Variants in KATNBL1 observed in about 807,000 individuals in gnomAD.
The protein encoded by KATNBL1 is katanin regulatory subunit B1 like 1.
In KATNBL1, 28 loss-of-function variants were observed where a neutral mutation model predicts 44.7. The observed-to-expected ratio is 0.63, with a 90% confidence interval of 0.46 to 0.86. The LOEUF is 0.86. KATNBL1 is among the 40% of genes least tolerant of loss of function. The probability of loss-of-function intolerance (pLI) is 0.00; values close to 1 mark genes in which losing one functional copy is unlikely to be tolerated. For synonymous variants in KATNBL1, 78 were observed against 114.9 expected (o/e 0.68, Z 2.06); for missense variants, 272 against 350.7 (o/e 0.78, Z 1.79).
Position 34,179,621 on chromosome 15 carries a change from A to AGC in KATNBL1, c.-14-15932_-14-15931insGC, listed in dbSNP as rs562257263. Among the ~76,000 whole-genome samples the AGC allele has an allele frequency of 6.8e-4, 104 of 152,322 alleles. No homozygotes were observed. In the South Asian group the frequency reaches 0.022, roughly 32 times the overall value. On this transcript the variant is annotated intron_variant, in intron 1 of 9. Coordinates refer to ENST00000256544, the MANE Select transcript of KATNBL1 (RefSeq NM_024713.3). ...ATAGCCAAGACTATAGGCACACAAC[A>AGC]TCCCACCTGGCAAGCAACAGTATTT...
At chr15:34,162,714 A>G (rs1365765610) in intron 2 of KATNBL1, among the ~76,000 whole-genome samples, 1 of 152,076 alleles carries the variant, frequency 6.6e-6, no homozygotes, top group Non-Finnish European at 1.5e-5. Context: ...GGCTCAAGTG[A>G]TCCTCCTACC....
intron 1 of KATNBL1, among the ~76,000 whole-genome samples, chr15:34,189,173 C>A (rs544508223): frequency 5.3e-5 from 8 of 152,098 alleles, no homozygotes; most frequent in Non-Finnish European, 1.2e-4. Flanking sequence ...TACAGGCATG[C>A]GCCACCACGC....
chr15:34,181,488 A>G (rs1436987177), intron 1 of KATNBL1, among the ~76,000 whole-genome samples: 1 of 150,832 alleles, frequency 6.6e-6, no homozygotes, highest in Non-Finnish European at 1.5e-5. Flanking sequence ...CATTACTATT[A>G]AAAATTAATA....
At chr15:34,187,168 C>T (rs1028797362) in intron 1 of KATNBL1, among the ~76,000 whole-genome samples, 4 of 152,228 alleles carry the variant, frequency 2.6e-5, no homozygotes, top group Non-Finnish European at 2.9e-5. Flanking sequence ...CTGAATGCTG[C>T]AGACGACCAG....
intron 1 of KATNBL1, among the ~76,000 whole-genome samples, chr15:34,163,944 G>A (rs909811882): frequency 3.3e-5 from 5 of 151,352 alleles, no homozygotes; most frequent in African/African-American, 1.2e-4. Context: ...CCAGGCTGGA[G>A]TGCGATGGCA....
intron 1 of KATNBL1, among the ~76,000 whole-genome samples, chr15:34,200,881 A>C (rs544713784): frequency 6.6e-6 from 1 of 152,124 alleles, no homozygotes; most frequent in African/African-American, 2.4e-5. Context: ...CAGTGGCGCC[A>C]TCTCAGCTCA....
chr15:34,147,352 T>C (rs1409002669), intron 6 of KATNBL1, 28 bp downstream of exon 6: 1 of 1,603,422 alleles, frequency 6.2e-7, no homozygotes, highest in East Asian at 2.2e-5. Context: ...TTTAATCTTA[T>C]TTTTTTTCTG....
intron 3 of KATNBL1, 150 bp downstream of exon 3, chr15:34,154,492 ATG>A: frequency 1.5e-6 from 1 of 659,844 alleles, no homozygotes; most frequent in Non-Finnish European, 2.7e-6. Flanking sequence ...GACAATATTG[ATG>A]TGTTTATTAG....
chr15:34,193,779 G>C (rs944153103), intron 1 of KATNBL1, among the ~76,000 whole-genome samples: 2 of 144,646 alleles, frequency 1.4e-5, no homozygotes, highest in Admixed American at 1.4e-4. Flanking sequence ...TTGAGCCCAG[G>C]AGGTTGAGGC....
intron 2 of KATNBL1, among the ~76,000 whole-genome samples, chr15:34,159,073 C>T (rs1253821009): frequency 6.6e-6 from 1 of 152,202 alleles, no homozygotes; most frequent in Admixed American, 6.5e-5. Context: ...AATAAGCCAC[C>T]TTTCTGCCTT....
intron 1 of KATNBL1, among the ~76,000 whole-genome samples, chr15:34,189,962 T>C (rs887883165): frequency 4.4e-5 from 6 of 136,984 alleles, no homozygotes; most frequent in African/African-American, 1.5e-4. Flanking sequence ...TTTTTTTTTT[T>C]GAGACAGAAT....
chr15:34,191,896 G>A (rs1175049268), intron 1 of KATNBL1, among the ~76,000 whole-genome samples: 14 of 146,944 alleles, frequency 9.5e-5, no homozygotes, highest in African/African-American at 3.5e-4. Context: ...GCAGTGAGCC[G>A]AGATTGCACC....
In KATNBL1 at chr15:34,188,053, C is replaced by T. The variant is rs563347887; in HGVS notation, c.-15+21898G>A. Among the ~76,000 whole-genome samples, 10 of 135,950 alleles carry T rather than the reference C, an allele frequency of 7.4e-5. No individual in the cohort carries two copies. In the East Asian group the frequency reaches 9.8e-4, roughly 13 times the overall value. 89.2% of individuals were successfully genotyped at this position (135,950 alleles called of 152,430 possible). A position where few individuals can be genotyped will look rare whatever the true frequency, so the allele number is the denominator to read the frequency against. ...GCTCGGTAGGTTGGGGCAAGAGAATCGCTTGAACCTGGGAAGTGGAGGTTG... is the reference window on the plus strand; with the variant it reads ...GCTCGGTAGGTTGGGGCAAGAGAATTGCTTGAACCTGGGAAGTGGAGGTTG... On this transcript the variant is annotated intron_variant, in intron 1 of 9. Transcript: ENST00000256544.
chr15:34,193,223 A>AT (rs1355552683), intron 1 of KATNBL1, among the ~76,000 whole-genome samples: 1 of 135,744 alleles, frequency 7.4e-6, no homozygotes, highest in Non-Finnish European at 1.6e-5. Context: ...TCTCAAAAAA[A>AT]AAAAAAAAAA....
chr15:34,183,232 C>T (rs1196338623), intron 1 of KATNBL1, among the ~76,000 whole-genome samples: 1 of 152,202 alleles, frequency 6.6e-6, no homozygotes, highest in Non-Finnish European at 1.5e-5. Flanking sequence ...GGGTCTGACC[C>T]TGCAGACTGG....
chr15:34,162,974 G>A (rs1265587099), intron 2 of KATNBL1, among the ~76,000 whole-genome samples: 2 of 151,436 alleles, frequency 1.3e-5, no homozygotes, highest in Non-Finnish European at 2.9e-5. Flanking sequence ...TGAACACAAA[G>A]CACCTCTGGA....
At chr15:34,164,705 G>C (rs1374934013) in intron 1 of KATNBL1, among the ~76,000 whole-genome samples, 6 of 152,184 alleles carry the variant, frequency 3.9e-5, no homozygotes, top group Non-Finnish European at 5.9e-5. Context: ...AATGTAAGTT[G>C]CTCCCTTATT....
chr15:34,202,232 G>T (rs973084653), intron 1 of KATNBL1, among the ~76,000 whole-genome samples: 2 of 152,152 alleles, frequency 1.3e-5, no homozygotes, highest in African/African-American at 4.8e-5. Flanking sequence ...CAATAAAGTA[G>T]TATTCAACTC....
intron 4 of KATNBL1, among the ~76,000 whole-genome samples, chr15:34,152,304 G>A (rs997610811): frequency 6.6e-6 from 1 of 151,814 alleles, no homozygotes; most frequent in Non-Finnish European, 1.5e-5. Flanking sequence ...GGGTTCAAGC[G>A]ATTCTCCTGT....
Sources: allele counts gnomAD v4.1 joint callset (sites outside exome capture counted in the v4.1 genomes callset), GRCh38; gene constraint gnomAD v4.1.1; transcripts MANE v1.5; gene names NCBI Gene and HGNC (gene_info 2026-07-23, HGNC 2026-07-21).